The following SLC16A10 variants were observed in gnomAD, a reference collection of about 807,000 sequenced individuals.
SLC16A10 encodes the protein solute carrier family 16 member 10.
In SLC16A10, 27 loss-of-function variants were observed where a neutral mutation model predicts 40.0. The ratio of observed to expected loss-of-function variants is 0.67; its 90% CI spans 0.50 to 0.93. The LOEUF is 0.93. SLC16A10 is among the 40% of genes least tolerant of loss of function. The pLI is 0.00. For synonymous variants in SLC16A10, 213 were observed against 249.8 expected (o/e 0.85, Z 1.39); for missense variants, 529 against 658.2 (o/e 0.80, Z 2.15).
intron 1 of SLC16A10, among the ~76,000 whole-genome samples, chr6:111,167,478 C>T (rs1374109315): frequency 2.6e-5 from 4 of 152,010 alleles, no homozygotes; most frequent in Admixed American, 2.6e-4. Context: ...CTGAGATGAC[C>T]CTGTGGAGAG....
rs1325448718 is a variant in SLC16A10 at position 111,231,141 on chromosome 6, G to A, written c.*8906G>A. 1.3e-5 allele frequency: 2 copies of A among 150,588 alleles called. No individual in the cohort carries two copies. Among genetic ancestry groups the A allele is most frequent in the African/African-American group, 4.9e-5 (2 of 40,826 alleles). 9.3% of individuals were successfully genotyped at this position (150,588 alleles called of 1,614,324 possible). On this transcript the variant is annotated 3_prime_UTR_variant, in exon 6 of 6. Coordinates refer to ENST00000368851, the MANE Select transcript of SLC16A10 (RefSeq NM_018593.5). The stretch of plus-strand genomic sequence containing the variant: ...GCTTGGAGGATAAGATTATTTTACT[G>A]TGGAAAAATGTGATACTCTTAGTAA...
chr6:111,144,586 A>G (rs532480728), intron 1 of SLC16A10, among the ~76,000 whole-genome samples: 1 of 152,242 alleles, frequency 6.6e-6, no homozygotes, highest in Admixed American at 6.5e-5. Context: ...TATTTGTATA[A>G]ATGTCTAGAA....
At chr6:111,193,503 A>G (rs1390785865) in intron 3 of SLC16A10, among the ~76,000 whole-genome samples, 2 of 152,220 alleles carry the variant, frequency 1.3e-5, no homozygotes, top group Non-Finnish European at 2.9e-5. Context: ...TTTTCAAAAT[A>G]TAATATACTA....
intron 1 of SLC16A10, among the ~76,000 whole-genome samples, chr6:111,150,749 G>C (rs913025845): frequency 6.6e-6 from 1 of 152,158 alleles, no homozygotes; most frequent in Non-Finnish European, 1.5e-5. Flanking sequence ...TAGACACTGA[G>C]GGGGTGGAAA....
intron 1 of SLC16A10, among the ~76,000 whole-genome samples, chr6:111,116,399 G>T (rs1255776387): frequency 1.4e-4 from 21 of 151,964 alleles, no homozygotes; most frequent in Non-Finnish European, 1.5e-5. Context: ...TGTATTATTA[G>T]TAGAGACGGG....
intron 3 of SLC16A10, among the ~76,000 whole-genome samples, chr6:111,200,100 A>G (rs1299878025): frequency 6.6e-6 from 1 of 152,106 alleles, no homozygotes; most frequent in African/African-American, 2.4e-5. Context: ...ACAAACAACC[A>G]ATCACCCATG....
At chr6:111,177,741 G>T (rs548478351) in intron 3 of SLC16A10, 76 bp downstream of exon 3, 1 of 1,348,606 alleles carries the variant, frequency 7.4e-7, no homozygotes, top group Non-Finnish European at 9.9e-7. Context: ...AAGTTAGGTC[G>T]AGTTAAAGTT....
chr6:111,175,721 A>C (rs914836494), intron 2 of SLC16A10, among the ~76,000 whole-genome samples: 1 of 140,438 alleles, frequency 7.1e-6, no homozygotes, highest in African/African-American at 2.6e-5. Context: ...TTTTTTTTTG[A>C]GACAGGGTCT....
chr6:111,119,372 A>C (rs980096002), intron 1 of SLC16A10, among the ~76,000 whole-genome samples: 2 of 152,238 alleles, frequency 1.3e-5, no homozygotes, highest in Admixed American at 6.5e-5. Flanking sequence ...ACAACAAGTA[A>C]ACAAATGAGT....
At chr6:111,114,948 C>A (rs1394928607) in intron 1 of SLC16A10, among the ~76,000 whole-genome samples, 2 of 152,088 alleles carry the variant, frequency 1.3e-5, no homozygotes, top group Admixed American at 1.3e-4. Context: ...GATCTTGGCT[C>A]ACTGCAACCT....
chr6:111,195,503 T>C (rs1773065145), intron 3 of SLC16A10, among the ~76,000 whole-genome samples: 1 of 152,096 alleles, frequency 6.6e-6, no homozygotes, highest in South Asian at 2.1e-4. Context: ...TTTTATGAAA[T>C]AGGAATTTAT....
chr6:111,177,560 A>C lies in SLC16A10; in HGVS notation c.837A>C (p.Pro279=). 1.2e-6 allele frequency: 2 copies of C among 1,610,198 alleles called. No homozygotes were observed. Among genetic ancestry groups the C allele is most frequent in the Non-Finnish European group, 1.7e-6 (2 of 1,178,322 alleles). ...SLFSRKKFSP[P]KKIFNFAIFK... ...TTTCCAGGAAAAAGTTCAGTCCTCCAAAAAAAATTTTCAATTTTGCCATCT... is the reference window on the plus strand; with the variant it reads ...TTTCCAGGAAAAAGTTCAGTCCTCCCAAAAAAATTTTCAATTTTGCCATCT... The change falls in exon 3 of 6, where the codon CCA becomes CCC. Residue 279 remains proline, a synonymous_variant. Transcript: ENST00000368851.
chr6:111,122,072 G>A (rs1771593965), intron 1 of SLC16A10, among the ~76,000 whole-genome samples: 1 of 152,164 alleles, frequency 6.6e-6, no homozygotes, highest in Non-Finnish European at 1.5e-5. Context: ...GGAAACCCAT[G>A]TTCTGCTGTC....
chr6:111,169,657 CA>C (rs1436035253), intron 1 of SLC16A10, among the ~76,000 whole-genome samples: 1 of 152,162 alleles, frequency 6.6e-6, no homozygotes, highest in African/African-American at 2.4e-5. Context: ...CTAAAGTGAC[CA>C]TAAGCCTTTC....
intron 3 of SLC16A10, chr6:111,178,608 A>T: frequency 3.7e-6 from 1 of 273,036 alleles, no homozygotes; most frequent in Non-Finnish European, 7.1e-6. Flanking sequence ...GCCCCTGGCA[A>T]CGTTTGTTCA....
chr6:111,108,942 A>G (rs1170703235), intron 1 of SLC16A10, among the ~76,000 whole-genome samples: 2 of 152,212 alleles, frequency 1.3e-5, no homozygotes, highest in Non-Finnish European at 2.9e-5. Flanking sequence ...AATACTATAT[A>G]TGGGATTGAT....
At position 111,222,209 on chromosome 6, in the gene SLC16A10, A is replaced by C. The variant is rs17072442; in HGVS notation, c.1522A>C (p.Lys508Gln). The change falls in exon 6 of 6, where the codon AAG becomes CAG. Residue 508 changes from lysine (K) to glutamine (Q), a missense_variant. Physicochemically the swap from Lys to Gln is moderately conservative, Grantham distance 53 (BLOSUM62 1). Coordinates refer to ENST00000368851, the MANE Select transcript of SLC16A10 (RefSeq NM_018593.5). ...SLLSSSSGMF[K>Q]KESDSII ...GCTGTCAAGTTCATCTGGAATGTTCAAGAAAGAATCTGACTCTATTATTTA... is the reference window on the plus strand; with the variant it reads ...GCTGTCAAGTTCATCTGGAATGTTCCAGAAAGAATCTGACTCTATTATTTA... 0.016 allele frequency: 25,864 copies of C among 1,605,222 alleles called. 318 individuals carry two copies. The highest frequency in any genetic ancestry group is 0.053 in the Admixed American group (2,993 of 56,976).
chr6:111,144,228 G>A lies in SLC16A10; in HGVS notation c.344-28467G>A, dbSNP rs146529351. On this transcript the variant is annotated intron_variant, in intron 1 of 5. Coordinates refer to ENST00000368851, the MANE Select transcript of SLC16A10 (RefSeq NM_018593.5). ...TTATTATTATTTTCTTTTTGAGACG[G>A]AGTCTCTCTCTGTCCCCCAGGCTGG... 3.5e-4 allele frequency among the ~76,000 whole-genome samples: 54 copies of A among 152,230 alleles called. 1 individual carries two copies. In the East Asian group the frequency reaches 0.01, roughly 29 times the overall value.
At chr6:111,109,639 T>TG (rs1303869168) in intron 1 of SLC16A10, among the ~76,000 whole-genome samples, 3 of 152,000 alleles carry the variant, frequency 2.0e-5, no homozygotes, top group Admixed American at 6.6e-5. Flanking sequence ...TTTGTAGAGA[T>TG]GGGGGTCTCT....
Sources: gnomAD v4.1 joint callset for allele counts (sites outside exome capture counted in the v4.1 genomes callset) on GRCh38, gnomAD v4.1.1 for gene constraint, MANE v1.5 for transcripts, NCBI Gene and HGNC (gene_info 2026-07-23, HGNC 2026-07-21) for gene names.